LHFPL6: variants seen among roughly 807,000 people sequenced by gnomAD.
The protein encoded by LHFPL6 is LHFPL tetraspan subfamily member 6 protein.
In LHFPL6, 9 loss-of-function variants were observed where a neutral mutation model predicts 20.6. The observed-to-expected ratio is 0.44, with a 90% CI of 0.26 to 0.76. The LOEUF (loss-of-function observed/expected upper bound fraction) is 0.76, where lower values mean the gene tolerates loss of function less well. LHFPL6 is among the 30% of genes least tolerant of loss of function. LHFPL6 has a pLI of 0.20. For missense variants in LHFPL6, 218 were observed against 253.5 expected, an observed-to-expected ratio of 0.86 and a Z score of 0.95; for synonymous variants, 105 against 98.7, an observed-to-expected ratio of 1.06 and a Z score of -0.38.
At chr13:39,355,773 G>A (rs1869709524) in intron 3 of LHFPL6, among the ~76,000 whole-genome samples, 1 of 152,182 alleles carries the variant, frequency 6.6e-6, no homozygotes, top group African/African-American at 2.4e-5. Context: ...ACCAACCACA[G>A]TGAACAAGGA....
At chr13:39,363,967 C>T (rs925508821) in intron 3 of LHFPL6, among the ~76,000 whole-genome samples, 1 of 152,190 alleles carries the variant, frequency 6.6e-6, no homozygotes, top group Non-Finnish European at 1.5e-5. Context: ...TGTCATTGTG[C>T]AAACATCATA....
At chr13:39,456,580 A>G (rs1872575009) in intron 2 of LHFPL6, among the ~76,000 whole-genome samples, 1 of 152,248 alleles carries the variant, frequency 6.6e-6, no homozygotes, top group Non-Finnish European at 1.5e-5. Context: ...ATACTAATAG[A>G]TTTTTGACAA....
intron 2 of LHFPL6, among the ~76,000 whole-genome samples, chr13:39,595,464 C>T (rs530174684): frequency 5.3e-5 from 8 of 152,196 alleles, no homozygotes; most frequent in Admixed American, 2.0e-4. Context: ...GACTAATTTT[C>T]GTATTTTTAG....
At position 39,386,818 on chromosome 13, in the gene LHFPL6, C is replaced by T. The variant is rs539071035; in HGVS notation, c.386-8292G>A. On this transcript the variant is annotated intron_variant, in intron 2 of 3. Transcript: ENST00000379589. ...GACATTTCTGACTGGGGATCCCTGA[C>T]TTACTGCACCTATTACTGGTTCTTT... 9.4e-4 allele frequency among the ~76,000 whole-genome samples: 143 copies of T among 152,324 alleles called. 1 individual carries two copies. The highest frequency in any genetic ancestry group is 7.7e-4 in the East Asian group (4 of 5,186).
intron 2 of LHFPL6, among the ~76,000 whole-genome samples, chr13:39,478,594 T>A (rs9548777): frequency 0.32 from 49,224 of 152,090 alleles, 10,215 homozygotes; most frequent in Non-Finnish European, 0.44. Flanking sequence ...TGTTTCTGGA[T>A]GAGATTAGCA....
At chr13:39,424,528 G>C (rs1356617686) in intron 2 of LHFPL6, among the ~76,000 whole-genome samples, 5 of 152,112 alleles carry the variant, frequency 3.3e-5, no homozygotes, top group Non-Finnish European at 7.4e-5. Context: ...AAGTAGAAGG[G>C]CACCCGAGTA....
intron 3 of LHFPL6, among the ~76,000 whole-genome samples, chr13:39,348,526 G>A (rs1431131700): frequency 1.3e-5 from 2 of 152,134 alleles, no homozygotes; most frequent in African/African-American, 4.8e-5. Context: ...GCACCCTGCT[G>A]GGTGTTTACT....
At chr13:39,593,499 T>C (rs1212329257) in intron 2 of LHFPL6, among the ~76,000 whole-genome samples, 2 of 151,948 alleles carry the variant, frequency 1.3e-5, no homozygotes, top group Non-Finnish European at 2.9e-5. Flanking sequence ...TCCATGCTCA[T>C]GGGTAGGAAG....
intron 2 of LHFPL6, among the ~76,000 whole-genome samples, chr13:39,595,908 A>C (rs774412409): frequency 2.6e-5 from 4 of 152,144 alleles, no homozygotes; most frequent in African/African-American, 9.7e-5. Flanking sequence ...CAAGATGTAC[A>C]TGACTGTACA....
At chr13:39,438,019 G>A (rs75259361) in intron 2 of LHFPL6, among the ~76,000 whole-genome samples, 168 of 152,302 alleles carry the variant, frequency 1.1e-3, no homozygotes, top group African/African-American at 3.9e-3. Flanking sequence ...CCATTTGGGA[G>A]ATCCAAAAGG....
intron 2 of LHFPL6, among the ~76,000 whole-genome samples, chr13:39,409,208 C>A (rs1871193397): frequency 6.6e-6 from 1 of 152,176 alleles, no homozygotes; most frequent in Non-Finnish European, 1.5e-5. Context: ...AATCCCAGCA[C>A]TTTGGGAGGC....
chr13:39,564,994 G>A (rs143825753), intron 2 of LHFPL6, among the ~76,000 whole-genome samples: 286 of 152,294 alleles, frequency 1.9e-3, no homozygotes, highest in African/African-American at 6.5e-3. Context: ...CAGAGGAGTG[G>A]CTCTGGATGA....
At chr13:39,590,476 C>T (rs1872563394) in intron 2 of LHFPL6, among the ~76,000 whole-genome samples, 1 of 152,204 alleles carries the variant, frequency 6.6e-6, no homozygotes, top group East Asian at 1.9e-4. Flanking sequence ...TCAGAACTCA[C>T]TTAAGGCTGA....
At chr13:39,349,969 C>T (rs1457810619) in intron 3 of LHFPL6, among the ~76,000 whole-genome samples, 1 of 152,156 alleles carries the variant, frequency 6.6e-6, no homozygotes, top group Non-Finnish European at 1.5e-5. Context: ...GAGCTTGAAG[C>T]CTGAAAATTC....
At chr13:39,549,902 TAA>T (rs1468892736) in intron 2 of LHFPL6, among the ~76,000 whole-genome samples, 1 of 151,916 alleles carries the variant, frequency 6.6e-6, no homozygotes, top group East Asian at 1.9e-4. Context: ...TCATCCTGAG[TAA>T]AAGAGGCCAG....
chr13:39,387,510 C>T (rs1870593562), intron 2 of LHFPL6, among the ~76,000 whole-genome samples: 2 of 133,014 alleles, frequency 1.5e-5, no homozygotes, highest in South Asian at 2.4e-4. Context: ...CACACCACTG[C>T]ACTCCAGCCT....
At chr13:39,477,702 T>C (rs1873118945) in intron 2 of LHFPL6, among the ~76,000 whole-genome samples, 2 of 152,204 alleles carry the variant, frequency 1.3e-5, no homozygotes, top group Non-Finnish European at 2.9e-5. Flanking sequence ...TGATGTCTTT[T>C]GTTTGCCAGT....
At chr13:39,480,790 C>T (rs1344893835) in intron 2 of LHFPL6, among the ~76,000 whole-genome samples, 1 of 151,990 alleles carries the variant, frequency 6.6e-6, no homozygotes, top group Admixed American at 6.6e-5. Context: ...TGTCTTTTAC[C>T]AACAGTATTG....
In LHFPL6 at chr13:39,567,811, T is replaced by G. The variant is rs142162439; in HGVS notation, c.385+33021A>C. On this transcript the variant is annotated intron_variant, in intron 2 of 3. Coordinates refer to ENST00000379589, the MANE Select transcript of LHFPL6 (RefSeq NM_005780.3). ...ACAGCCTATTTTTGTAAATAAAGTT[T>G]TATTGGAACACAGCCATTCCCATTC... Among the ~76,000 whole-genome samples the G allele has an allele frequency of 5.4e-3, 816 of 152,310 alleles. 4 individuals are homozygous for G. Among genetic ancestry groups the G allele is most frequent in the African/African-American group, 0.019 (786 of 41,570 alleles).
Sources: allele counts gnomAD v4.1 joint callset (sites outside exome capture counted in the v4.1 genomes callset), GRCh38; gene constraint gnomAD v4.1.1; transcripts MANE v1.5; gene names NCBI Gene and HGNC (gene_info 2026-07-23, HGNC 2026-07-21).